The following BEND7 variants were observed in gnomAD, a reference collection of about 807,000 sequenced individuals.
The protein encoded by BEND7 is BEN domain-containing protein 7.
BEND7 carries 28 observed loss-of-function variants against 50.9 expected under a neutral mutation model. The ratio of observed to expected loss-of-function variants is 0.55; its 90% confidence interval spans 0.41 to 0.75. BEND7 has a LOEUF of 0.75. BEND7 is among the 30% of genes least tolerant of loss of function. The pLI, the probability that BEND7 is intolerant of heterozygous loss-of-function variation, is 0.00. For synonymous variants in BEND7, 170 were observed against 183.9 expected, an observed-to-expected ratio of 0.92 and a Z score of 0.61; for missense variants, 477 against 491.3, an observed-to-expected ratio of 0.97 and a Z score of 0.28.
At chr10:13,525,834 C>T (rs1477859849) in intron 2 of BEND7, among the ~76,000 whole-genome samples, 2 of 152,112 alleles carry the variant, frequency 1.3e-5, no homozygotes, top group African/African-American at 2.4e-5. Context: ...AGCATGCCAA[C>T]GAATATGCAA....
intron 6 of BEND7, among the ~76,000 whole-genome samples, chr10:13,475,329 C>G (rs1359767083): frequency 1.3e-5 from 2 of 152,208 alleles, no homozygotes; most frequent in Admixed American, 1.3e-4. Flanking sequence ...GATTAGTCAC[C>G]TTCCCAAAGG....
chr10:13,449,211 A>C (rs1433423573), intron 7 of BEND7, among the ~76,000 whole-genome samples: 3 of 152,178 alleles, frequency 2.0e-5, no homozygotes, highest in Non-Finnish European at 4.4e-5. Flanking sequence ...TGTTATGTTT[A>C]TATTTAGAAG....
intron 3 of BEND7, among the ~76,000 whole-genome samples, chr10:13,498,579 T>C (rs2077206219): frequency 1.3e-5 from 2 of 152,238 alleles, no homozygotes; most frequent in Admixed American, 6.5e-5. Flanking sequence ...ATTTCTCTTA[T>C]TGTCTCTTCC....
chr10:13,514,143 T>G lies in BEND7; in HGVS notation c.145+11995A>C, dbSNP rs542315698. On this transcript the variant is annotated intron_variant, in intron 2 of 8. Coordinates refer to ENST00000466271, the MANE Select transcript of BEND7 (RefSeq NM_001369863.1). ...AATTCCCCAGGCCTGGGAGGGCTCC[T>G]GTCCCATGTTCCCACAGAATCCTTA... is the stretch of plus-strand genomic sequence containing the variant. Among the ~76,000 whole-genome samples the G allele has an allele frequency of 2.6e-5, 4 of 152,328 alleles. No homozygotes were observed. In the South Asian group the frequency reaches 8.3e-4, roughly 32 times the overall value.
chr10:13,494,850 A>T (rs2076923665), intron 4 of BEND7, among the ~76,000 whole-genome samples: 1 of 152,252 alleles, frequency 6.6e-6, no homozygotes, highest in African/African-American at 2.4e-5. Flanking sequence ...TCTAAATGTA[A>T]TTTAAATCTA....
intron 4 of BEND7, among the ~76,000 whole-genome samples, chr10:13,494,118 T>TA (rs1003139287): frequency 3.0e-4 from 45 of 152,236 alleles, no homozygotes; most frequent in African/African-American, 9.1e-4. Context: ...CACTTGAGTT[T>TA]AAAAAAACTG....
intron 8 of BEND7, 34 bp downstream of exon 8, chr10:13,447,232 G>A (rs1836554720): frequency 6.2e-7 from 1 of 1,609,074 alleles, no homozygotes; most frequent in African/African-American, 1.3e-5. Flanking sequence ...GTATTTTCCA[G>A]GAGGTGATGA....
At position 13,508,764 on chromosome 10, in the gene BEND7, G is replaced by GAAAAAA. The variant is rs546097996; in HGVS notation, c.146-8690_146-8685dup. On this transcript the variant is annotated intron_variant, in intron 2 of 8. Transcript: ENST00000466271. ...CTAAATTATGAGACACAATGTGACC[G>GAAAAAA]AAAAAAAAATGTAATACACAGTCTC... 2.7e-5 allele frequency among the ~76,000 whole-genome samples: 4 copies of GAAAAAA among 150,352 alleles called. No individual in the cohort carries two copies. The East Asian group carries it at 7.8e-4, about 29-fold the overall frequency.
At chr10:13,490,380 G>C (rs1297435754) in intron 5 of BEND7, among the ~76,000 whole-genome samples, 10 of 152,184 alleles carry the variant, frequency 6.6e-5, no homozygotes. Context: ...CACTGCTCTT[G>C]CTCTCCGCGT....
chr10:13,464,736 T>C (rs369546738), intron 6 of BEND7, among the ~76,000 whole-genome samples: 21 of 152,346 alleles, frequency 1.4e-4, no homozygotes, highest in Middle Eastern at 6.8e-3. Context: ...CTACTGTTAA[T>C]GGGGACAAAT....
intron 1 of BEND7, among the ~76,000 whole-genome samples, chr10:13,527,540 A>G (rs2079514081): frequency 1.3e-5 from 2 of 152,220 alleles, no homozygotes; most frequent in Admixed American, 1.3e-4. Context: ...CGACAGAGGA[A>G]AAGTGGACAG....
At chr10:13,469,524 T>C (rs932135658) in intron 6 of BEND7, among the ~76,000 whole-genome samples, 8 of 152,352 alleles carry the variant, frequency 5.3e-5, no homozygotes, top group African/African-American at 1.9e-4. Flanking sequence ...GTCACCAGGC[T>C]GGACTGCAGT....
intron 1 of BEND7, among the ~76,000 whole-genome samples, chr10:13,526,769 T>C (rs2079477511): frequency 6.6e-6 from 1 of 152,226 alleles, no homozygotes; most frequent in Admixed American, 6.5e-5. Flanking sequence ...CACAAGTGAC[T>C]CTTTCGCATT....
At chr10:13,508,069 G>A (rs959744463) in intron 2 of BEND7, among the ~76,000 whole-genome samples, 6 of 152,164 alleles carry the variant, frequency 3.9e-5, no homozygotes, top group Non-Finnish European at 5.9e-5. Context: ...TCAGGCTTGC[G>A]GGCAGCTCTC....
intron 6 of BEND7, among the ~76,000 whole-genome samples, chr10:13,480,036 C>A (rs1393175023): frequency 6.6e-6 from 1 of 152,178 alleles, no homozygotes; most frequent in Non-Finnish European, 1.5e-5. Flanking sequence ...GCACAGCACC[C>A]CTATCCGTTA....
chr10:13,472,179 T>G (rs1022885802), intron 6 of BEND7, among the ~76,000 whole-genome samples: 3 of 151,978 alleles, frequency 2.0e-5, no homozygotes, highest in African/African-American at 7.2e-5. Context: ...GCTGTTACAC[T>G]CAGGGCCGAT....
intron 5 of BEND7, among the ~76,000 whole-genome samples, chr10:13,485,242 ATAAGGTATTAG>A (rs1483105508): frequency 2.0e-5 from 3 of 152,234 alleles, no homozygotes; most frequent in African/African-American, 7.2e-5. Flanking sequence ...GCTATTTTAT[ATAAGGTATTAG>A]TAAGGTATTA....
intron 4 of BEND7, among the ~76,000 whole-genome samples, chr10:13,496,188 A>G (rs2077001781): frequency 6.6e-6 from 1 of 152,232 alleles, no homozygotes; most frequent in Admixed American, 6.5e-5. Context: ...CAGACGTGAA[A>G]TAGGAAGCTC....
In BEND7 at chr10:13,473,037, T is replaced by C. The variant is rs974742624; in HGVS notation, c.1063+7862A>G. Among the ~76,000 whole-genome samples the C allele has an allele frequency of 3.3e-5, 5 of 152,182 alleles. No homozygotes were observed. In the South Asian group the frequency reaches 1.0e-3, roughly 32 times the overall value. On this transcript the variant is annotated intron_variant, in intron 6 of 8. Coordinates refer to ENST00000466271, the MANE Select transcript of BEND7 (RefSeq NM_001369863.1). The stretch of plus-strand genomic sequence containing the variant: ...TCAGGGCCGATATCTGTCATCACTG[T>C]TAGACTCAGGCTGATATCCATCATC...
Sources: gnomAD v4.1 joint callset for allele counts (sites outside exome capture counted in the v4.1 genomes callset) on GRCh38, gnomAD v4.1.1 for gene constraint, MANE v1.5 for transcripts, NCBI Gene and HGNC (gene_info 2026-07-23, HGNC 2026-07-21) for gene names.